The following TBC1D32 variants were observed in gnomAD, a reference collection of about 807,000 sequenced individuals.
TBC1D32 encodes TBC1 domain family member 32.
In TBC1D32, 151 loss-of-function variants were observed where a neutral mutation model predicts 170.3. The ratio of observed to expected loss-of-function variants is 0.89; its 90% CI spans 0.78 to 1.01. TBC1D32 has a LOEUF of 1.01. TBC1D32 is among the 50% of genes least tolerant of loss of function. TBC1D32 has a pLI of 0.00. For missense variants in TBC1D32, 1,464 were observed against 1,457.1 expected, an observed-to-expected ratio of 1.00 and a Z score of -0.08; for synonymous variants, 498 against 488.0, an observed-to-expected ratio of 1.02 and a Z score of -0.27.
At chr6:121,093,859 A>T (rs986591267) in intron 30 of TBC1D32, among the ~76,000 whole-genome samples, 1 of 152,144 alleles carries the variant, frequency 6.6e-6, no homozygotes, top group African/African-American at 2.4e-5. Flanking sequence ...GTGCTATATA[A>T]ATGTTATTTT....
intron 30 of TBC1D32, among the ~76,000 whole-genome samples, chr6:121,093,201 G>A (rs1166916422): frequency 1.3e-5 from 2 of 152,054 alleles, no homozygotes; most frequent in Non-Finnish European, 2.9e-5. Context: ...TTGCAACATG[G>A]AGGGTAGGTT....
Position 121,256,289 on chromosome 6 carries a change from A to C in TBC1D32, c.1734-4T>G. 2.5e-6 allele frequency: 4 copies of C among 1,604,544 alleles called. No individual in the cohort carries two copies. The highest frequency in any genetic ancestry group is 3.4e-6 in the Non-Finnish European group (4 of 1,175,448). On this transcript the variant is annotated splice_region_variant and splice_polypyrimidine_tract_variant and intron_variant, in intron 15 of 31. Transcript: ENST00000398212. ...AATTATATGAGCACCTGTAGGACTAAAAGATGATACCTGAAAGTGATTCCA... is the reference window on the plus strand; with the variant it reads ...AATTATATGAGCACCTGTAGGACTACAAGATGATACCTGAAAGTGATTCCA...
chr6:121,184,601 A>T (rs1788935023), intron 22 of TBC1D32, among the ~76,000 whole-genome samples: 1 of 151,868 alleles, frequency 6.6e-6, no homozygotes, highest in South Asian at 2.1e-4. Flanking sequence ...AACAAAACTC[A>T]TGCAGCCTCC....
Position 121,142,051 on chromosome 6 carries a change from G to A in TBC1D32, c.2774-10299C>T, listed in dbSNP as rs72499741. On this transcript the variant is annotated intron_variant, in intron 24 of 31. Transcript: ENST00000398212. ...CGAGGGGTCAACAATGTTTATTACC[G>A]ACAAATTGTGTTTGCTCCAAGCCTT... Among the ~76,000 whole-genome samples, 492 of 152,286 alleles carry A rather than the reference G, an allele frequency of 3.2e-3. 12 individuals carry two copies. In the East Asian group the frequency reaches 0.055, roughly 17 times the overall value.
intron 12 of TBC1D32, among the ~76,000 whole-genome samples, chr6:121,287,041 C>G (rs1803972425): frequency 6.6e-6 from 1 of 152,098 alleles, no homozygotes; most frequent in Non-Finnish European, 1.5e-5. Context: ...CCAGCCACTG[C>G]AAAAACATGC....
chr6:121,150,735 G>A (rs996309117), intron 24 of TBC1D32, among the ~76,000 whole-genome samples: 4 of 151,912 alleles, frequency 2.6e-5, no homozygotes, highest in African/African-American at 9.7e-5. Context: ...GTCTTGGGAG[G>A]GTGTATGTGT....
At chr6:121,159,787 C>T (rs1018398002) in intron 24 of TBC1D32, among the ~76,000 whole-genome samples, 1 of 152,030 alleles carries the variant, frequency 6.6e-6, no homozygotes, top group Non-Finnish European at 1.5e-5. Flanking sequence ...ATAAGACCAC[C>T]TTTGTATACT....
At chr6:121,242,813 A>AT (rs980804722) in intron 17 of TBC1D32, among the ~76,000 whole-genome samples, 6 of 151,940 alleles carry the variant, frequency 3.9e-5, no homozygotes, top group Non-Finnish European at 8.8e-5. Flanking sequence ...GGGGAAAGAT[A>AT]TTTTTTCTCA....
At chr6:121,213,987 T>TA (rs147601357) in intron 21 of TBC1D32, among the ~76,000 whole-genome samples, 2,938 of 152,202 alleles carry the variant, frequency 0.019, 95 homozygotes, top group African/African-American at 0.068. Flanking sequence ...ACTGCACACT[T>TA]ACAACTATCT....
At position 121,115,218 on chromosome 6, in the gene TBC1D32, C is replaced by G; in HGVS notation, c.3007G>C (p.Glu1003Gln). The change falls in exon 27 of 32, where the codon GAA becomes CAA. Residue 1003 changes from glutamate to glutamine, a missense_variant. Physicochemically the swap from Glu to Gln is conservative, Grantham distance 29. Transcript: ENST00000398212. ...YTATDANVKN[E>Q]SLSSVQQLGI... ...AGCTGCTGCACAGATGAAAGACTTT[C>G]ATTCTTCACATTTGCATCAGTAGCT... 2 of 1,600,014 alleles carry G rather than the reference C, an allele frequency of 1.2e-6. No individual in the cohort carries two copies. Among genetic ancestry groups the G allele is most frequent in the Non-Finnish European group, 1.7e-6 (2 of 1,171,578 alleles).
chr6:121,305,540 G>C (rs1450171263), intron 5 of TBC1D32, among the ~76,000 whole-genome samples: 2 of 151,758 alleles, frequency 1.3e-5, no homozygotes, highest in African/African-American at 4.8e-5. Flanking sequence ...CTAATCTGGG[G>C]GGGGATTAAT....
chr6:121,256,155 T>C lies in TBC1D32; in HGVS notation c.1864A>G (p.Ser622Gly), dbSNP rs754094422. Reference sequence around the variant, plus strand: ...AACACCTGCAAACCTTCACATGTACTATATATGTGACGACACACAGAAATA... The same window carrying C: ...AACACCTGCAAACCTTCACATGTACCATATATGTGACGACACACAGAAATA... The part of the protein sequence containing the change: ...AFISVCRHIY[S>G]TCEGLQVLIT... The change falls in exon 16 of 32, where the codon AGT becomes GGT. Residue 622 changes from serine (S) to glycine (G), a missense_variant. By Grantham distance (56) the Ser-to-Gly change is moderately conservative. Coordinates refer to ENST00000398212, the MANE Select transcript of TBC1D32 (RefSeq NM_152730.6). The C allele has an allele frequency of 6.2e-7, 1 of 1,613,856 alleles. No homozygotes were observed. Among genetic ancestry groups the C allele is most frequent in the Non-Finnish European group, 8.5e-7 (1 of 1,179,778 alleles).
intron 20 of TBC1D32, among the ~76,000 whole-genome samples, chr6:121,225,402 T>C (rs1342761529): frequency 2.0e-5 from 3 of 152,046 alleles, no homozygotes; most frequent in African/African-American, 7.2e-5. Flanking sequence ...CTTTATTTTA[T>C]GTTTAAAGAA....
chr6:121,098,144 A>G (rs543099511), intron 30 of TBC1D32, among the ~76,000 whole-genome samples: 1 of 151,996 alleles, frequency 6.6e-6, no homozygotes, highest in East Asian at 1.9e-4. Context: ...ATGTATACCT[A>G]TGTAACAAAC....
intron 24 of TBC1D32, among the ~76,000 whole-genome samples, chr6:121,158,258 C>A (rs142560292): frequency 1.3e-5 from 2 of 152,254 alleles, no homozygotes; most frequent in East Asian, 3.9e-4. Flanking sequence ...CTTTGAGATT[C>A]TTTCCTTAGC....
intron 22 of TBC1D32, among the ~76,000 whole-genome samples, chr6:121,178,019 A>G: frequency 6.6e-6 from 1 of 152,212 alleles, no homozygotes. Context: ...GGGAAGACTC[A>G]CAATCATGGC....
At chr6:121,111,935 C>A (rs1779244849) in intron 29 of TBC1D32, among the ~76,000 whole-genome samples, 1 of 151,786 alleles carries the variant, frequency 6.6e-6, no homozygotes, top group East Asian at 1.9e-4. Flanking sequence ...TAACAGCAAG[C>A]AATAAACAAA....
intron 15 of TBC1D32, among the ~76,000 whole-genome samples, chr6:121,271,463 C>A (rs1217951914): frequency 6.6e-6 from 1 of 152,124 alleles, no homozygotes; most frequent in African/African-American, 2.4e-5. Context: ...TTCCTATACA[C>A]CAATAACAGA....
At chr6:121,142,404 T>C (rs1420106910) in intron 24 of TBC1D32, among the ~76,000 whole-genome samples, 1 of 152,238 alleles carries the variant, frequency 6.6e-6, no homozygotes, top group African/African-American at 2.4e-5. Context: ...CTCTCCTCTT[T>C]AAAGATAGCA....
Sources: allele counts gnomAD v4.1 joint callset (sites outside exome capture counted in the v4.1 genomes callset), GRCh38; gene constraint gnomAD v4.1.1; transcripts MANE v1.5; gene names NCBI Gene and HGNC (gene_info 2026-07-23, HGNC 2026-07-21).